Variants in PHIP observed in about 807,000 individuals in gnomAD.
The protein encoded by PHIP is PHIP subunit of CUL4-Ring ligase complex, also known as PH-interacting protein.
PHIP carries 54 observed loss-of-function variants against 236.8 expected under a neutral mutation model. That is an observed-to-expected ratio of 0.23 (90% confidence interval 0.18 to 0.29). The LOEUF (loss-of-function observed/expected upper bound fraction) is 0.29. Ranked by LOEUF, PHIP falls within the 10% of genes least tolerant of loss-of-function variation. The pLI, the probability that PHIP is intolerant of heterozygous loss-of-function variation, is 1.00. For synonymous variants in PHIP, 756 were observed against 718.9 expected, an observed-to-expected ratio of 1.05 and a Z score of -0.83; for missense variants, 1,370 against 2,190.8, an observed-to-expected ratio of 0.63 and a Z score of 7.48.
At chr6:78,948,151 C>T (rs1367489026) in intron 35 of PHIP, among the ~76,000 whole-genome samples, 1 of 152,116 alleles carries the variant, frequency 6.6e-6, no homozygotes, top group Non-Finnish European at 1.5e-5. Context: ...AAAGGTCTGA[C>T]TCATTAAAAC....
intron 4 of PHIP, among the ~76,000 whole-genome samples, chr6:79,061,845 G>A (rs1773398374): frequency 6.6e-6 from 1 of 152,050 alleles, no homozygotes; most frequent in Non-Finnish European, 1.5e-5. Flanking sequence ...CTGATGTGGG[G>A]GGAGGTGAGG....
intron 39 of PHIP, among the ~76,000 whole-genome samples, chr6:78,944,810 A>G (rs1375923861): frequency 1.3e-5 from 2 of 152,192 alleles, no homozygotes; most frequent in Non-Finnish European, 2.9e-5. Context: ...GTCACATGGC[A>G]TATTTTATTA....
Position 78,970,114 on chromosome 6 carries a change from G to C in PHIP, c.3057C>G (p.Cys1019Trp). 6.2e-7 allele frequency: 1 copy of C among 1,612,354 alleles called. No individual in the cohort carries two copies. Among genetic ancestry groups the C allele is most frequent in the Non-Finnish European group, 8.5e-7 (1 of 1,178,568 alleles). ...IKYEVGLPTL[C>W]CLKLAFLDPD... ...GATCTAGAAAAGCAAGTTTAAGGCAGCAAAGGGTAGGTAATCCCACTTCAT... is the reference window on the plus strand; with the variant it reads ...GATCTAGAAAAGCAAGTTTAAGGCACCAAAGGGTAGGTAATCCCACTTCAT... The change falls in exon 26 of 40, where the codon TGC becomes TGG. Residue 1019 changes from cysteine to tryptophan, a missense_variant. Cys to Trp is a radical substitution (Grantham distance 215). Around this residue, in one of 14 missense-constraint regions of PHIP, gnomAD observed 238 missense variants for 398.5 expected, o/e 0.60. Transcript: ENST00000275034.
At chr6:79,007,863 A>T (rs1287946317) in intron 15 of PHIP, among the ~76,000 whole-genome samples, 3 of 151,880 alleles carry the variant, frequency 2.0e-5, no homozygotes, top group Non-Finnish European at 4.4e-5. Context: ...CTTATGTATT[A>T]AAAAAACTTT....
At chr6:79,010,614 G>A (rs1770527598) in intron 15 of PHIP, among the ~76,000 whole-genome samples, 2 of 151,814 alleles carry the variant, frequency 1.3e-5, no homozygotes, top group Admixed American at 6.6e-5. Context: ...ACAGCTTTGA[G>A]TAATGACAGA....
intron 27 of PHIP, among the ~76,000 whole-genome samples, chr6:78,968,051 T>C (rs1197958349): frequency 6.6e-6 from 1 of 151,834 alleles, no homozygotes; most frequent in Non-Finnish European, 1.5e-5. Flanking sequence ...GGTAGAATGG[T>C]GTGAACCTGG....
intron 9 of PHIP, among the ~76,000 whole-genome samples, chr6:79,020,916 A>C (rs1429184888): frequency 6.6e-6 from 1 of 152,184 alleles, no homozygotes; most frequent in African/African-American, 2.4e-5. Flanking sequence ...ATTATATTTT[A>C]AAGTATTAAA....
intron 6 of PHIP, among the ~76,000 whole-genome samples, chr6:79,059,826 C>G (rs1773276470): frequency 6.6e-6 from 1 of 151,540 alleles, no homozygotes; most frequent in Non-Finnish European, 1.5e-5. Context: ...AAGTACAACA[C>G]TATTAAAATA....
intron 4 of PHIP, among the ~76,000 whole-genome samples, chr6:79,075,146 G>T (rs9448624): frequency 0.094 from 14,359 of 152,096 alleles, 789 homozygotes; most frequent in Middle Eastern, 0.14. Flanking sequence ...TGCTGACTTA[G>T]ATATTAAACA....
At chr6:79,031,777 C>A (rs1253307804) in intron 7 of PHIP, among the ~76,000 whole-genome samples, 5 of 152,144 alleles carry the variant, frequency 3.3e-5, no homozygotes, top group African/African-American at 1.2e-4. Context: ...GGTAATGGTA[C>A]CAATTACTTT....
At chr6:78,978,811 G>C in intron 23 of PHIP, 100 bp from the exon 24 acceptor site, 1 of 950,446 alleles carries the variant, frequency 1.1e-6, no homozygotes, top group Non-Finnish European at 1.5e-6. Flanking sequence ...AAATAAAAGG[G>C]GAAGGGCACC....
chr6:78,957,692 A>G (rs570156544), intron 32 of PHIP: 10 of 152,116 alleles, frequency 6.6e-5, no homozygotes, highest in Middle Eastern at 3.4e-3. Flanking sequence ...CCAGGAAAAA[A>G]AAATTCAATA....
chr6:79,041,386 T>C (rs1039051133), intron 7 of PHIP, among the ~76,000 whole-genome samples: 2 of 152,068 alleles, frequency 1.3e-5, no homozygotes, highest in Non-Finnish European at 1.5e-5. Context: ...CTAATTAATA[T>C]CAAAACATGT....
chr6:79,013,172 T>C (rs1770677516), intron 15 of PHIP, among the ~76,000 whole-genome samples: 1 of 151,664 alleles, frequency 6.6e-6, no homozygotes, highest in South Asian at 2.1e-4. Flanking sequence ...AATAATAAAA[T>C]CTATCTTGAT....
At chr6:79,036,298 A>G (rs1208676374) in intron 7 of PHIP, among the ~76,000 whole-genome samples, 1 of 152,174 alleles carries the variant, frequency 6.6e-6, no homozygotes, top group East Asian at 1.9e-4. Flanking sequence ...CTCCTTAAAT[A>G]TCATTACATA....
intron 6 of PHIP, among the ~76,000 whole-genome samples, chr6:79,054,729 G>GA (rs536990351): frequency 1.2e-3 from 183 of 149,416 alleles, no homozygotes; most frequent in East Asian, 8.8e-3. Flanking sequence ...AAGAGTCTAA[G>GA]AAAAAAAAAC....
In PHIP at chr6:78,988,313, A is replaced by T; in HGVS notation, c.2356T>A (p.Ser786Thr). The change falls in exon 21 of 40, where the codon TCC (serine) becomes ACC (threonine). Residue 786 changes from serine (S) to threonine (T), a missense_variant. Physicochemically the swap from Ser to Thr is moderately conservative, Grantham distance 58 (BLOSUM62 1). This residue lies in a region of PHIP where 99 missense variants were observed against 110.0 expected (regional missense o/e 0.90). Coordinates refer to ENST00000275034, the MANE Select transcript of PHIP (RefSeq NM_017934.7). ...AHEHFLDLGESKKQQTNQHNY... is the reference protein window; with the variant it reads ...AHEHFLDLGETKKQQTNQHNY... The stretch of plus-strand genomic sequence containing the variant: ...TGTTGATTTGTCTGTTGCTTTTTGG[A>T]TTCTCCAAGATCCAGGAAATGCTCA... 1 of 1,604,496 alleles carries T rather than the reference A, an allele frequency of 6.2e-7. No individual in the cohort carries two copies. Among genetic ancestry groups the T allele is most frequent in the Non-Finnish European group, 8.5e-7 (1 of 1,173,872 alleles).
rs753169485 is a variant in PHIP at position 79,015,196 on chromosome 6, A to G, written c.1410T>C (p.Phe470=). 4.3e-6 allele frequency: 7 copies of G among 1,609,794 alleles called. No individual in the cohort carries two copies. In the African/African-American group the frequency reaches 9.4e-5, roughly 22 times the overall value. The change falls in exon 15 of 40, where the codon TTT becomes TTC. Residue 470 remains phenylalanine (F), a synonymous_variant. Coordinates refer to ENST00000275034, the MANE Select transcript of PHIP (RefSeq NM_017934.7). The part of the protein sequence containing the change: ...HVLMGHEDEV[F]VLEPHPFDPR... ...GATCGAACGGGTGTGGTTCAAGAAC[A>G]AATACCTCATCTTCATGACCCTGAA...
intron 4 of PHIP, among the ~76,000 whole-genome samples, chr6:79,062,500 G>C (rs571202075): frequency 6.6e-6 from 1 of 152,158 alleles, no homozygotes; most frequent in African/African-American, 2.4e-5. Flanking sequence ...TGACTTAATT[G>C]ATCAAAATTC....
Sources: allele counts gnomAD v4.1 joint callset (sites outside exome capture counted in the v4.1 genomes callset), GRCh38; gene constraint gnomAD v4.1.1; regional missense constraint gnomAD v4.1.1; transcripts MANE v1.5; gene names NCBI Gene and HGNC (gene_info 2026-07-23, HGNC 2026-07-21).